Variants in PTDSS2 observed in about 807,000 individuals in gnomAD.
PTDSS2 encodes phosphatidylserine synthase 2, also known as PSS-2.
A neutral mutation model predicts 64.7 loss-of-function variants in PTDSS2; 41 were observed. That is an observed-to-expected ratio of 0.63 (90% CI 0.49 to 0.82). The LOEUF (loss-of-function observed/expected upper bound fraction) is 0.82. Ranked by LOEUF, PTDSS2 falls within the 40% of genes least tolerant of loss-of-function variation. The probability of loss-of-function intolerance (pLI) is 0.00; values close to 1 mark genes in which losing one functional copy is unlikely to be tolerated. For synonymous variants in PTDSS2, 297 were observed against 277.8 expected (o/e 1.07, Z -0.69); for missense variants, 485 against 650.0 (o/e 0.75, Z 2.76).
At chr11:488,398 C>A in intron 7 of PTDSS2, 86 bp downstream of exon 7, 1 of 1,339,952 alleles carries the variant, frequency 7.5e-7, no homozygotes, top group Non-Finnish European at 1.1e-6. Flanking sequence ...CCCCTGGACC[C>A]CCTCATTCTC....
In PTDSS2 at chr11:470,441, A is replaced by T. The variant is rs950528328; in HGVS notation, c.285-3454A>T. Among the ~76,000 whole-genome samples the T allele has an allele frequency of 1.3e-5, 2 of 152,210 alleles. No homozygotes were observed. The highest frequency in any genetic ancestry group is 2.9e-5 in the Non-Finnish European group (2 of 68,040). On this transcript the variant is annotated intron_variant, in intron 2 of 11. Transcript: ENST00000308020. This position sits in a 1 kb window ranked among gnomAD's most constrained non-coding sequence, Gnocchi z 5.3. ...ACCGTCCCAGCCTCGGGGAGCCTGA[A>T]GAGACAGAACGAGTAGATGCCATGT...
chr11:479,107 C>T lies in PTDSS2; in HGVS notation c.390C>T (p.Cys130=), dbSNP rs753985245. 2.2e-5 allele frequency: 35 copies of T among 1,614,030 alleles called. No individual in the cohort carries two copies. The highest frequency in any genetic ancestry group is 1.0e-4 in the Admixed American group (6 of 60,004). The change falls in exon 4 of 12, where the codon TGC becomes TGT. Residue 130 remains cysteine, a synonymous_variant. Transcript: ENST00000308020. This position sits in a 1 kb window ranked among gnomAD's most constrained non-coding sequence, Gnocchi z 4.2. ...PHPAYWRFWL[C]VSVVYELFLI... ...TAGCTTACTGGAGGTTTTGGCTCTG[C>T]GTGAGTGTGGTCTACGAGCTGTTTC...
rs1848589655 is a variant in PTDSS2 at position 489,886 on chromosome 11, G to T, written c.1119G>T (p.Lys373Asn). ...GAACCCCCTGCTGCCCCTGCAGGAAGCCCCACAAGAAGCTGGGCCCGCAGG... is the reference window on the plus strand; with the variant it reads ...GAACCCCCTGCTGCCCCTGCAGGAATCCCCACAAGAAGCTGGGCCCGCAGG... ...REIYDFMDDP[K>N]PHKKLGPQAW... Residue 373 changes from lysine to asparagine, a missense_variant, in exon 11 of 12, where the codon AAG (lysine) becomes AAT (asparagine). Coordinates refer to ENST00000308020, the MANE Select transcript of PTDSS2 (RefSeq NM_030783.3). The T allele has an allele frequency of 2.5e-6, 4 of 1,585,288 alleles. No homozygotes were observed. Among genetic ancestry groups the T allele is most frequent in the Non-Finnish European group, 3.4e-6 (4 of 1,168,158 alleles).
intron 1 of PTDSS2, among the ~76,000 whole-genome samples, chr11:457,862 C>T (rs774729795): frequency 6.6e-6 from 1 of 152,220 alleles, no homozygotes; most frequent in African/African-American, 2.4e-5. Flanking sequence ...TGCCGTTTTG[C>T]AGTCCCACCT....
At chr11:487,899 G>A (rs767749195) in intron 6 of PTDSS2, among the ~76,000 whole-genome samples, 1 of 152,182 alleles carries the variant, frequency 6.6e-6, no homozygotes, top group Non-Finnish European at 1.5e-5. Context: ...CTGCTGGAGG[G>A]GCAGCCACCC....
Position 465,937 on chromosome 11 carries a change from GAA to G in PTDSS2, c.284+5654_284+5655del, listed in dbSNP as rs573195877. 2.6e-4 allele frequency among the ~76,000 whole-genome samples: 40 copies of G among 152,230 alleles called. No individual in the cohort carries two copies. In the East Asian group the frequency reaches 7.1e-3, roughly 27 times the overall value. On this transcript the variant is annotated intron_variant, in intron 2 of 11. Coordinates refer to ENST00000308020, the MANE Select transcript of PTDSS2 (RefSeq NM_030783.3). ...AGCCTAGGCGACAGAGTGAGACCTT[GAA>G]AAAATTAAAATTTCTGCTTTGTAAA...
At chr11:465,495 A>G (rs72851115) in intron 2 of PTDSS2, among the ~76,000 whole-genome samples, 1 of 152,246 alleles carries the variant, frequency 6.6e-6, no homozygotes, top group Non-Finnish European at 1.5e-5. Flanking sequence ...CATCTGAGCT[A>G]TCATGCTCAG....
intron 2 of PTDSS2, among the ~76,000 whole-genome samples, chr11:473,409 T>C (rs1217069647): frequency 6.6e-6 from 1 of 152,210 alleles, no homozygotes; most frequent in Non-Finnish European, 1.5e-5. Flanking sequence ...CCTTCCCTCC[T>C]ACGTGGGCTT....
chr11:475,391 G>A (rs543171793), intron 3 of PTDSS2, among the ~76,000 whole-genome samples: 176 of 147,378 alleles, frequency 1.2e-3, no homozygotes, highest in Middle Eastern at 4.2e-3. Flanking sequence ...ACATATTCAC[G>A]CGTTTGTGAT....
At chr11:464,694 TC>T (rs1847063274) in intron 2 of PTDSS2, among the ~76,000 whole-genome samples, 1 of 152,238 alleles carries the variant, frequency 6.6e-6, no homozygotes, top group African/African-American at 2.4e-5. Context: ...CGTTCACTGA[TC>T]TGCCTGTATG....
chr11:460,001 G>T lies in PTDSS2; in HGVS notation c.183-186G>T. The stretch of plus-strand genomic sequence containing the variant: ...CTGGGGGCTGGTCTCAGCCCTGACT[G>T]GCCAGCAGACGCAGGGTCATCTCGG... On this transcript the variant is annotated intron_variant, in intron 1 of 11. Coordinates refer to ENST00000308020, the MANE Select transcript of PTDSS2 (RefSeq NM_030783.3). This position sits in a 1 kb window ranked among gnomAD's most constrained non-coding sequence, Gnocchi z 5.8. The T allele has an allele frequency of 1.7e-6, 1 of 588,658 alleles. No individual in the cohort carries two copies. The highest frequency in any genetic ancestry group is 2.7e-5 in the Admixed American group (1 of 36,756). The allele number at this position is 588,658 out of a possible 1,614,324, so 36.5% of individuals were successfully genotyped here.
At chr11:474,163 C>T (rs1847609795) in intron 3 of PTDSS2, among the ~76,000 whole-genome samples, 186 bp downstream of exon 3, 1 of 152,208 alleles carries the variant, frequency 6.6e-6, no homozygotes, top group South Asian at 2.1e-4. Flanking sequence ...TGCTCCTCCT[C>T]CAACCACCGA....
intron 2 of PTDSS2, among the ~76,000 whole-genome samples, chr11:467,312 G>C (rs1436920067): frequency 6.6e-6 from 1 of 152,188 alleles, no homozygotes; most frequent in East Asian, 1.9e-4. Flanking sequence ...TGGAAACAGG[G>C]AGACGCCACT....
chr11:465,156 T>G (rs531744960), intron 2 of PTDSS2, among the ~76,000 whole-genome samples: 2 of 152,326 alleles, frequency 1.3e-5, no homozygotes, highest in Admixed American at 1.3e-4. Context: ...AAATGGATTC[T>G]AGATAAGCCT....
At chr11:489,545 CGGGCGGG>C (rs1564999041) in intron 9 of PTDSS2, 31 bp downstream of exon 9, 1 of 1,608,952 alleles carries the variant, frequency 6.2e-7, no homozygotes, top group East Asian at 2.2e-5. Flanking sequence ...GACGGCGCGG[CGGGCGGG>C]GGGCCAGAGC....
rs1202009107 is a variant in PTDSS2, at chr11:490,877, G to A, written c.*295G>A. The A allele has an allele frequency of 7.4e-6, 3 of 405,616 alleles. No homozygotes were observed. Among genetic ancestry groups the A allele is most frequent in the African/African-American group, 6.2e-5 (3 of 48,546 alleles). The allele number at this position is 405,616 out of a possible 1,614,324, so 25.1% of individuals were successfully genotyped here. ...TGCTCTGGGCTCCGAGGCTTCTCCA[G>A]AGCTGGGAGCTGGCTGGCGTGGCAA... On this transcript the variant is annotated 3_prime_UTR_variant, in exon 12 of 12. Coordinates refer to ENST00000308020, the MANE Select transcript of PTDSS2 (RefSeq NM_030783.3).
chr11:490,787 T>TGCGTGTGTGTAC lies in PTDSS2; in HGVS notation c.*214_*225dup, dbSNP rs1554958717. Reference sequence around the variant, plus strand: ...ATGTGTACACGTGTGTACGTGTGTATGCGTGTGTGTACGCGTGTGTACGCG... The same window carrying TGCGTGTGTGTAC: ...ATGTGTACACGTGTGTACGTGTGTATGCGTGTGTGTACGCGTGTGTGTACGCGTGTGTACGCG... On this transcript the variant is annotated 3_prime_UTR_variant, in exon 12 of 12. Transcript: ENST00000308020. 6 of 574,112 alleles carry TGCGTGTGTGTAC rather than the reference T, an allele frequency of 1.0e-5. No individual in the cohort carries two copies. Among genetic ancestry groups the TGCGTGTGTGTAC allele is most frequent in the Middle Eastern group, 4.4e-4 (1 of 2,260 alleles). 35.6% of individuals were successfully genotyped at this position (574,112 alleles called of 1,614,324 possible).
In PTDSS2 at chr11:489,979, C is replaced by T; in HGVS notation, c.1212C>T (p.Leu404=). The T allele has an allele frequency of 6.8e-6, 11 of 1,612,312 alleles. No homozygotes were observed. Among genetic ancestry groups the T allele is most frequent in the Non-Finnish European group, 8.5e-6 (10 of 1,179,952 alleles). ...LIVVKYDPHT[L]TLSLPFYISQ... is the part of the protein sequence containing the mutation. The stretch of plus-strand genomic sequence containing the variant: ...TGGTGAAGTACGACCCCCACACGCT[C>T]ACCCTGTCCCTGCCCTTCTACATCT... The change falls in exon 11 of 12, where the codon CTC becomes CTT. Residue 404 remains leucine (L), a synonymous_variant. Coordinates refer to ENST00000308020, the MANE Select transcript of PTDSS2 (RefSeq NM_030783.3).
chr11:481,194 C>T (rs1282830959), intron 4 of PTDSS2, among the ~76,000 whole-genome samples: 1 of 152,126 alleles, frequency 6.6e-6, no homozygotes, highest in East Asian at 1.9e-4. Flanking sequence ...GACAGTTTCT[C>T]AGGCCCCTTG....
Sources: allele counts gnomAD v4.1 joint callset (sites outside exome capture counted in the v4.1 genomes callset), GRCh38; gene constraint gnomAD v4.1.1; non-coding constraint Gnocchi (gnomAD v3.1); transcripts MANE v1.5; gene names NCBI Gene and HGNC (gene_info 2026-07-23, HGNC 2026-07-21).